Variants in OR7C1 observed in about 807,000 individuals in gnomAD.
OR7C1 encodes olfactory receptor family 7 subfamily C member 1.
For synonymous variants in OR7C1, 152 were observed against 160.7 expected (o/e 0.95, Z 0.41); for missense variants, 324 against 383.3 (o/e 0.85, Z 1.29).
At chr19:14,827,959 T>C (rs1489997380) in intron 1 of OR7C1, 3 of 1,614,080 alleles carry the variant, frequency 1.9e-6, no homozygotes, top group Non-Finnish European at 2.5e-6. Context: ...AGGCAGGCTA[T>C]GTAGGTGATG....
At chr19:14,812,622 A>G (rs2147652066) in intron 1 of OR7C1, among the ~76,000 whole-genome samples, 1 of 151,768 alleles carries the variant, frequency 6.6e-6, no homozygotes, top group South Asian at 2.1e-4. Flanking sequence ...ATGGATTTTA[A>G]GACGCTAGCC....
chr19:14,834,526 C>T (rs1480956956), intron 1 of OR7C1, among the ~76,000 whole-genome samples: 1 of 152,166 alleles, frequency 6.6e-6, no homozygotes, highest in African/African-American at 2.4e-5. Flanking sequence ...CATAGTCTCT[C>T]ACCTATTAAA....
At chr19:14,823,669 A>C (rs1215867284) in intron 1 of OR7C1, among the ~76,000 whole-genome samples, 3 of 152,120 alleles carry the variant, frequency 2.0e-5, no homozygotes, top group Non-Finnish European at 4.4e-5. Context: ...TTCTATATTT[A>C]TGTGTCCACA....
chr19:14,834,806 C>T (rs1004461410), intron 1 of OR7C1, among the ~76,000 whole-genome samples: 24 of 152,140 alleles, frequency 1.6e-4, no homozygotes, highest in African/African-American at 5.6e-4. Context: ...CATTTTACAC[C>T]TCCTATTCCT....
At chr19:14,801,742 A>G (rs1409940521) in intron 2 of OR7C1, among the ~76,000 whole-genome samples, 4 of 152,226 alleles carry the variant, frequency 2.6e-5, no homozygotes, top group African/African-American at 9.6e-5. Flanking sequence ...GAAACTTACA[A>G]TTATGGTGGA....
intron 1 of OR7C1, among the ~76,000 whole-genome samples, chr19:14,811,918 G>C (rs983489442): frequency 6.6e-6 from 1 of 151,902 alleles, no homozygotes. Context: ...CTCCTAACAG[G>C]CTGTGGACCA....
chr19:14,798,561 C>G (rs1215996763), exon 5 of OR7C1: 1 of 152,350 alleles, frequency 6.6e-6, no homozygotes, highest in South Asian at 2.1e-4. Flanking sequence ...GAGAAGAGCT[C>G]TATGTGCAGA....
chr19:14,815,787 G>A (rs1445685188), intron 1 of OR7C1, among the ~76,000 whole-genome samples: 4 of 83,094 alleles, frequency 4.8e-5, no homozygotes, highest in East Asian at 3.0e-4. Context: ...GTTTGTGCGT[G>A]TGTGTGTGTG....
In OR7C1 at chr19:14,822,130, T is replaced by A. The variant is rs7246286; in HGVS notation, c.-622-12137A>T. ...TTGGCGGACACTGAGGTTGACTCCA[T>A]ATGTTGGCTTTTGTAAATAGTGTTG... On this transcript the variant is annotated intron_variant, in intron 1 of 4. Transcript: ENST00000641666. 9.4e-3 allele frequency among the ~76,000 whole-genome samples: 1,425 copies of A among 152,332 alleles called. 26 individuals carry two copies. The highest frequency in any genetic ancestry group is 0.032 in the African/African-American group (1,323 of 41,566).
chr19:14,823,508 G>T (rs898253648), intron 1 of OR7C1, among the ~76,000 whole-genome samples: 1 of 152,186 alleles, frequency 6.6e-6, no homozygotes, highest in Non-Finnish European at 1.5e-5. Flanking sequence ...GTGCAGTTTT[G>T]TTACATGGGT....
chr19:14,804,209 G>T (rs866201531), intron 2 of OR7C1, among the ~76,000 whole-genome samples: 2 of 152,170 alleles, frequency 1.3e-5, no homozygotes, highest in Non-Finnish European at 2.9e-5. Context: ...GTAAAGGCCT[G>T]TCTGAAAGCA....
intron 1 of OR7C1, among the ~76,000 whole-genome samples, chr19:14,818,062 TTTTATTTATTTATTTATTTA>T (rs372783648): frequency 1.3e-4 from 18 of 139,460 alleles, no homozygotes; most frequent in African/African-American, 4.8e-4. Context: ...ATTTTATTTA[TTTTATTTATTTATTTATTTA>T]TTTATTTATT....
At chr19:14,821,531 A>G (rs1304874442) in intron 1 of OR7C1, 2 of 152,236 alleles carry the variant, frequency 1.3e-5, no homozygotes, top group Non-Finnish European at 2.9e-5. Context: ...TTCCGCCTTT[A>G]CTGCAGTGGA....
At chr19:14,810,539 C>A (rs1466688078) in intron 1 of OR7C1, among the ~76,000 whole-genome samples, 1 of 147,700 alleles carries the variant, frequency 6.8e-6, no homozygotes, top group Non-Finnish European at 1.5e-5. Context: ...GCCACCATGC[C>A]CGGCTAATTT....
chr19:14,822,460 C>A (rs983024274), intron 1 of OR7C1, among the ~76,000 whole-genome samples: 5 of 141,312 alleles, frequency 3.5e-5, no homozygotes, highest in African/African-American at 1.3e-4. Flanking sequence ...TCTCAGCTCA[C>A]TGCAACCTCC....
chr19:14,815,700 G>T (rs1427281075), intron 1 of OR7C1, among the ~76,000 whole-genome samples: 1 of 152,056 alleles, frequency 6.6e-6, no homozygotes, highest in Non-Finnish European at 1.5e-5. Context: ...AGATATCAAG[G>T]GCTGTGTCCC....
intron 2 of OR7C1, among the ~76,000 whole-genome samples, chr19:14,803,307 C>CAAAAAA (rs553496845): frequency 2.4e-5 from 2 of 83,578 alleles, no homozygotes; most frequent in African/African-American, 4.6e-5. Flanking sequence ...ACTATGTCTC[C>CAAAAAA]AAAAAAAAAA....
intron 1 of OR7C1, among the ~76,000 whole-genome samples, chr19:14,817,336 G>A (rs1455880009): frequency 6.6e-6 from 1 of 152,130 alleles, no homozygotes; most frequent in African/African-American, 2.4e-5. Context: ...TGGGCATTTA[G>A]GTCGAGTCCA....
chr19:14,817,702 C>A (rs1482887927), intron 1 of OR7C1, among the ~76,000 whole-genome samples: 1 of 152,182 alleles, frequency 6.6e-6, no homozygotes, highest in Non-Finnish European at 1.5e-5. Flanking sequence ...CTGATTATTT[C>A]ATAATCAATC....
Sources: gnomAD v4.1 joint callset for allele counts (sites outside exome capture counted in the v4.1 genomes callset) on GRCh38, gnomAD v4.1.1 for gene constraint, MANE v1.5 for transcripts, NCBI Gene and HGNC (gene_info 2026-07-23, HGNC 2026-07-21) for gene names.